The following ZNF341 variants were observed in gnomAD, a reference collection of about 807,000 sequenced individuals.
ZNF341 encodes the protein zinc finger protein 341.
ZNF341 carries 52 observed loss-of-function variants against 87.7 expected under a neutral mutation model. The observed-to-expected ratio is 0.59, with a 90% confidence interval of 0.47 to 0.75. ZNF341 has a LOEUF of 0.75. Among genes scored for constraint, ZNF341 ranks in the 30% least tolerant of loss-of-function variants. The probability of loss-of-function intolerance (pLI) is 0.00; values close to 1 mark genes in which losing one functional copy is unlikely to be tolerated. For synonymous variants in ZNF341, 459 were observed against 472.7 expected (o/e 0.97, Z 0.38); for missense variants, 977 against 1,145.9 (o/e 0.85, Z 2.13).
chr20:33,784,670 C>T (rs1213206431), intron 12 of ZNF341, among the ~76,000 whole-genome samples: 5 of 150,008 alleles, frequency 3.3e-5, no homozygotes, highest in Non-Finnish European at 5.9e-5. Context: ...GGCTGGAGTG[C>T]GGTGGCAGAT....
At chr20:33,754,962 A>G (rs1283382047) in intron 5 of ZNF341, among the ~76,000 whole-genome samples, 1 of 152,154 alleles carries the variant, frequency 6.6e-6, no homozygotes, top group African/African-American at 2.4e-5. Context: ...TATTTATTTG[A>G]GACAGAGTCT....
At chr20:33,751,377 A>G (rs2019052478) in intron 4 of ZNF341, among the ~76,000 whole-genome samples, 1 of 152,148 alleles carries the variant, frequency 6.6e-6, no homozygotes, top group Non-Finnish European at 1.5e-5. Flanking sequence ...AAAGGAACAC[A>G]CAGCAAGATC....
chr20:33,762,040 G>A lies in ZNF341; in HGVS notation c.1207G>A (p.Asp403Asn), dbSNP rs2019306761. The A allele has an allele frequency of 1.3e-6, 2 of 1,561,574 alleles. No individual in the cohort carries two copies. The highest frequency in any genetic ancestry group is 1.8e-6 in the Non-Finnish European group (2 of 1,142,290). ...VMALNPSRQE[D>N]EESTGLGQPL... ...GGCCCTGAACCCCAGCAGGCAGGAG[G>A]ACGAGGAAAGCACAGGTGGGTGGAA... is the stretch of plus-strand genomic sequence containing the variant. The change falls in exon 8 of 15, where the codon GAC (aspartate) becomes AAC (asparagine). Residue 403 changes from aspartate to asparagine, a missense_variant. Coordinates refer to ENST00000375200, the MANE Select transcript of ZNF341 (RefSeq NM_001282933.2).
chr20:33,772,175 A>C (rs2019547331), intron 10 of ZNF341, among the ~76,000 whole-genome samples: 1 of 151,916 alleles, frequency 6.6e-6, no homozygotes, highest in Admixed American at 6.6e-5. Context: ...CATCACTTTG[A>C]TGATGTCATG....
chr20:33,760,030 AG>A (rs1383667778), intron 7 of ZNF341, among the ~76,000 whole-genome samples: 1 of 152,218 alleles, frequency 6.6e-6, no homozygotes, highest in African/African-American at 2.4e-5. Context: ...TGTTCCCTGG[AG>A]GGCAAAACTG....
At chr20:33,782,527 C>G (rs1482185102) in intron 11 of ZNF341, among the ~76,000 whole-genome samples, 1 of 152,212 alleles carries the variant, frequency 6.6e-6, no homozygotes, top group African/African-American at 2.4e-5. Flanking sequence ...TTCTTATTAT[C>G]TAACCTAATT....
intron 9 of ZNF341, 46 bp from the exon 10 acceptor site, chr20:33,770,038 G>A (rs1312522534): frequency 1.4e-6 from 2 of 1,424,962 alleles, no homozygotes; most frequent in South Asian, 2.4e-5. Context: ...CTGCAGTGGA[G>A]GAAGCTCTCC....
rs1369033262 is a variant in ZNF341 at position 33,764,918 on chromosome 20, C to G, written c.1223-1933C>G. 1.3e-5 allele frequency among the ~76,000 whole-genome samples: 2 copies of G among 151,728 alleles called. 1 individual carries two copies. Among genetic ancestry groups the G allele is most frequent in the East Asian group, 3.9e-4 (2 of 5,138 alleles). On this transcript the variant is annotated intron_variant, in intron 8 of 14. Coordinates refer to ENST00000375200, the MANE Select transcript of ZNF341 (RefSeq NM_001282933.2). ...CATAACTCATTGTAGCCTCGAACTC[C>G]CGGACTCAAGTGATCCTCCCTCCTC...
intron 7 of ZNF341, among the ~76,000 whole-genome samples, chr20:33,760,617 C>T (rs979757795): frequency 6.6e-6 from 1 of 151,888 alleles, no homozygotes; most frequent in Non-Finnish European, 1.5e-5. Flanking sequence ...AATCTCAGCT[C>T]ACTGCAGCCT....
intron 7 of ZNF341, among the ~76,000 whole-genome samples, chr20:33,760,172 G>A (rs1238738044): frequency 6.6e-6 from 1 of 152,120 alleles, no homozygotes; most frequent in East Asian, 1.9e-4. Context: ...GGAGGCTGAG[G>A]TGGGTAGATC....
intron 3 of ZNF341, among the ~76,000 whole-genome samples, chr20:33,748,315 C>T (rs1277061183): frequency 2.0e-5 from 3 of 152,126 alleles, no homozygotes; most frequent in African/African-American, 7.2e-5. Flanking sequence ...CGTGATCTGC[C>T]CGCCTCAGCC....
At chr20:33,783,579 AG>A (rs2019785792) in intron 11 of ZNF341, among the ~76,000 whole-genome samples, 152 bp from the exon 12 acceptor site, 1 of 152,154 alleles carries the variant, frequency 6.6e-6, no homozygotes, top group African/African-American at 2.4e-5. Context: ...TGAAGTTCTA[AG>A]GGCTGAGTCT....
intron 10 of ZNF341, among the ~76,000 whole-genome samples, chr20:33,779,180 A>G (rs2019688291): frequency 6.6e-6 from 1 of 152,098 alleles, no homozygotes. Flanking sequence ...GGAGAAGGGG[A>G]AGTAGACATG....
chr20:33,752,733 A>T lies in ZNF341; in HGVS notation c.490-439A>T, dbSNP rs1601247881. On this transcript the variant is annotated intron_variant, in intron 4 of 14. Coordinates refer to ENST00000375200, the MANE Select transcript of ZNF341 (RefSeq NM_001282933.2). Reference sequence around the variant, plus strand: ...GGTGGTGCAATCTCCACTCACTGCCAGCTCCGTCTCCCAGGTTCACACCAT... The same window carrying T: ...GGTGGTGCAATCTCCACTCACTGCCTGCTCCGTCTCCCAGGTTCACACCAT... Among the ~76,000 whole-genome samples the T allele has an allele frequency of 2.1e-5, 3 of 140,762 alleles. No homozygotes were observed. The Admixed American group carries it at 2.3e-4, about 11-fold the overall frequency. The allele number at this position is 140,762 out of a possible 152,430, so 92.3% of individuals were successfully genotyped here. A position where few individuals can be genotyped will look rare whatever the true frequency, so the allele number is the denominator to read the frequency against.
intron 3 of ZNF341, among the ~76,000 whole-genome samples, chr20:33,747,103 G>A (rs946092362): frequency 6.6e-6 from 1 of 152,140 alleles, no homozygotes; most frequent in Non-Finnish European, 1.5e-5. Context: ...TGGATAGGGG[G>A]CTCATAGAAA....
At chr20:33,733,527 G>A (rs1056716205) in intron 1 of ZNF341, among the ~76,000 whole-genome samples, 3 of 151,804 alleles carry the variant, frequency 2.0e-5, no homozygotes, top group African/African-American at 4.8e-5. Context: ...GTGAGCCACC[G>A]CGCCCGGCCA....
chr20:33,766,822 T>C (rs1288654891), intron 8 of ZNF341, 29 bp from the exon 9 acceptor site: 35 of 1,579,136 alleles, frequency 2.2e-5, no homozygotes, highest in Non-Finnish European at 2.8e-5. Flanking sequence ...GCCGGCTCCT[T>C]GTCCTGACTT....
At chr20:33,734,030 G>T (rs2018631903) in intron 1 of ZNF341, among the ~76,000 whole-genome samples, 1 of 152,210 alleles carries the variant, frequency 6.6e-6, no homozygotes, top group Non-Finnish European at 1.5e-5. Flanking sequence ...CTCATTGTTT[G>T]AATATTTACT....
At chr20:33,771,546 T>C (rs566455334) in intron 10 of ZNF341, among the ~76,000 whole-genome samples, 1 of 151,902 alleles carries the variant, frequency 6.6e-6, no homozygotes, top group African/African-American at 2.4e-5. Context: ...GTGCCCAGCC[T>C]ATATGATGAT....
Sources: allele counts gnomAD v4.1 joint callset (sites outside exome capture counted in the v4.1 genomes callset), GRCh38; gene constraint gnomAD v4.1.1; transcripts MANE v1.5; gene names NCBI Gene and HGNC (gene_info 2026-07-23, HGNC 2026-07-21).